The following HIVEP1 variants were observed in gnomAD, a reference collection of about 807,000 sequenced individuals.
HIVEP1 encodes the protein HIVEP zinc finger 1, also known as zinc finger protein 40.
In HIVEP1, 36 loss-of-function variants were observed where a neutral mutation model predicts 180.0. The ratio of observed to expected loss-of-function variants is 0.20; its 90% CI spans 0.15 to 0.26. HIVEP1 has a LOEUF of 0.26. Among genes scored for constraint, HIVEP1 ranks in the 10% least tolerant of loss-of-function variants. The pLI, the probability that HIVEP1 is intolerant of heterozygous loss-of-function variation, is 1.00. For missense variants in HIVEP1, 3,143 were observed against 3,268.7 expected, an observed-to-expected ratio of 0.96 and a Z score of 0.94; for synonymous variants, 1,239 against 1,239.0, an observed-to-expected ratio of 1.00 and a Z score of 0.00.
upstream of HIVEP1, among the ~76,000 whole-genome samples, chr6:12,011,529 T>C (rs1455761132): frequency 6.9e-6 from 1 of 144,098 alleles, no homozygotes; most frequent in Non-Finnish European, 1.5e-5. Flanking sequence ...TCCCCAGGCG[T>C]CGCGACCCAG....
intron 3 of HIVEP1, among the ~76,000 whole-genome samples, chr6:12,103,184 GTAA>G (rs60181903): frequency 0.32 from 46,981 of 147,452 alleles, 8,498 homozygotes; most frequent in Non-Finnish European, 0.41. Flanking sequence ...TGTTGATTAT[GTAA>G]TAATAATAAT....
chr6:12,193,419 A>G, the HIVEP1 span, among the ~76,000 whole-genome samples: 1 of 152,202 alleles, frequency 6.6e-6, no homozygotes, highest in Non-Finnish European at 1.5e-5. Context: ...TTTTAACACT[A>G]CTGACTCATA....
At chr6:12,186,561 A>AAG in the HIVEP1 span, among the ~76,000 whole-genome samples, 3,203 of 149,674 alleles carry the variant, frequency 0.021, 121 homozygotes, top group African/African-American at 0.072. Flanking sequence ...AAAAAAAAAA[A>AAG]GGCGTATACT....
intron 6 of HIVEP1, among the ~76,000 whole-genome samples, chr6:12,134,599 C>T (rs1276825493): frequency 2.0e-5 from 3 of 152,210 alleles, no homozygotes; most frequent in Non-Finnish European, 2.9e-5. Context: ...ACTACTTTGC[C>T]TCTGCCCACT....
At chr6:12,101,655 TG>T (rs1774120190) in intron 3 of HIVEP1, among the ~76,000 whole-genome samples, 1 of 151,830 alleles carries the variant, frequency 6.6e-6, no homozygotes, top group Admixed American at 6.6e-5. Flanking sequence ...ATTCACTTAA[TG>T]TAAAAGAAAA....
Position 12,135,823 on chromosome 6 carries a change from C to G in HIVEP1, c.6418C>G (p.His2140Asp). The part of the protein sequence containing the change: ...NLTKHMKSKA[H>D]SKKCVDLGVS... Reference sequence around the variant, plus strand: ...GACAAAACACATGAAGTCCAAGGCACATAGCAAGAAATGTGTGGATTTAGG... The same window carrying G: ...GACAAAACACATGAAGTCCAAGGCAGATAGCAAGAAATGTGTGGATTTAGG... The change falls in exon 7 of 9, where the codon CAT becomes GAT. Residue 2140 changes from histidine (H) to aspartate (D), a missense_variant. By Grantham distance (81) the His-to-Asp change is moderately conservative. This residue lies in a region of HIVEP1 where 126 missense variants were observed against 168.5 expected (regional missense o/e 0.75). Coordinates refer to ENST00000379388, the MANE Select transcript of HIVEP1 (RefSeq NM_002114.4). 1 of 1,612,242 alleles carries G rather than the reference C, an allele frequency of 6.2e-7. No individual in the cohort carries two copies. The highest frequency in any genetic ancestry group is 1.1e-5 in the South Asian group (1 of 91,020).
the HIVEP1 span, among the ~76,000 whole-genome samples, chr6:12,209,998 G>A: frequency 6.6e-6 from 1 of 152,098 alleles, no homozygotes; most frequent in Admixed American, 6.5e-5. Flanking sequence ...GCGCTTGTAA[G>A]CCCAGCTACT....
Position 12,122,426 on chromosome 6 carries a change from T to A in HIVEP1, c.2631T>A (p.Asp877Glu), listed in dbSNP as rs555394124. ...FDDKIGAFYD[D>E]VFVSGPNAPV... ...ACAAAATTGGCGCTTTCTATGATGA[T>A]GTCTTTGTATCGGGACCTAACGCTC... Residue 877 changes from aspartate (D) to glutamate (E), a missense_variant, in exon 4 of 9, where the codon GAT (aspartate) becomes GAA (glutamate). Transcript: ENST00000379388. 5.6e-6 allele frequency: 9 copies of A among 1,614,216 alleles called. No individual in the cohort carries two copies. The highest frequency in any genetic ancestry group is 1.7e-5 in the Admixed American group (1 of 60,032).
At chr6:12,180,403 G>A in the HIVEP1 span, among the ~76,000 whole-genome samples, 3 of 152,176 alleles carry the variant, frequency 2.0e-5, no homozygotes, top group Non-Finnish European at 4.4e-5. Context: ...TGAGGAGAAA[G>A]AGTTCTTTAT....
chr6:12,198,102 G>C, the HIVEP1 span, among the ~76,000 whole-genome samples: 2 of 152,210 alleles, frequency 1.3e-5, no homozygotes, highest in Non-Finnish European at 2.9e-5. Context: ...GAAGCACACA[G>C]AGGATGCATA....
At chr6:12,176,614 G>GTAAA in the HIVEP1 span, among the ~76,000 whole-genome samples, 1 of 152,112 alleles carries the variant, frequency 6.6e-6, no homozygotes, top group African/African-American at 2.4e-5. Context: ...TCCCCATTTA[G>GTAAA]TAAATGAAGA....
At chr6:12,187,407 C>T in the HIVEP1 span, among the ~76,000 whole-genome samples, 1 of 151,928 alleles carries the variant, frequency 6.6e-6, no homozygotes, top group Non-Finnish European at 1.5e-5. Context: ...TGCACAGGAA[C>T]TGATTGTTAA....
rs749310696 is a variant in HIVEP1 at position 12,120,841 on chromosome 6, A to T, written c.1046A>T (p.Asn349Ile). 1 of 1,614,142 alleles carries T rather than the reference A, an allele frequency of 6.2e-7. No individual in the cohort carries two copies. Among genetic ancestry groups the T allele is most frequent in the Non-Finnish European group, 8.5e-7 (1 of 1,180,016 alleles). ...PSSRSQVTPQ[N>I]QQMDSASPLS... ...AGTAGATCTCAGGTTACTCCTCAAA[A>T]CCAGCAAATGGATTCTGCTTCACCT... Residue 349 changes from asparagine to isoleucine, a missense_variant, in exon 4 of 9, where the codon AAC becomes ATC. By Grantham distance (149) the Asn-to-Ile change is moderately radical. This residue lies in a region of HIVEP1 where 306 missense variants were observed against 310.6 expected (regional missense o/e 0.99). Coordinates refer to ENST00000379388, the MANE Select transcript of HIVEP1 (RefSeq NM_002114.4).
rs554863355 is a variant in HIVEP1 at position 12,163,693 on chromosome 6, T to A, written c.7389T>A (p.Val2463=). Residue 2463 remains valine, a synonymous_variant, in exon 9 of 9, where the codon GTT becomes GTA. Transcript: ENST00000379388. ...NPAGVAELSS[V]VPCIPIGQIR... ...CTGGAGTGGCTGAATTAAGCAGTGTTGTGCCATGTATTCCTATCGGCCAAA... is the reference window on the plus strand; with the variant it reads ...CTGGAGTGGCTGAATTAAGCAGTGTAGTGCCATGTATTCCTATCGGCCAAA... 5 of 1,614,138 alleles carry A rather than the reference T, an allele frequency of 3.1e-6. No individual in the cohort carries two copies. The highest frequency in any genetic ancestry group is 2.7e-5 in the African/African-American group (2 of 75,026).
rs56999346 is a variant in HIVEP1, at chr6:12,053,711, G to A, written c.41-35473G>A. ...CTGCTTAAGCTAGGATATATTTGGA[G>A]AGAAAAGAAAACATTAATTTTCCTT... is the stretch of plus-strand genomic sequence containing the variant. On this transcript the variant is annotated intron_variant, in intron 2 of 8. Transcript: ENST00000379388. Among the ~76,000 whole-genome samples, 8 of 152,224 alleles carry A rather than the reference G, an allele frequency of 5.3e-5. No individual in the cohort carries two copies. The East Asian group carries it at 1.2e-3, about 22-fold the overall frequency.
intron 2 of HIVEP1, among the ~76,000 whole-genome samples, chr6:12,055,291 G>A (rs965795433): frequency 3.3e-5 from 5 of 152,086 alleles, no homozygotes; most frequent in East Asian, 3.9e-4. Context: ...TGGCCAACAC[G>A]GTGAAACTCC....
intron 7 of HIVEP1, among the ~76,000 whole-genome samples, chr6:12,141,690 G>GAAAAAAAAA (rs1759040723): frequency 3.2e-4 from 1 of 3,158 alleles, no homozygotes; most frequent in Admixed American, 5.4e-3. Flanking sequence ...CAAATGGAAA[G>GAAAAAAAAA]CAAAAAAAAA....
intron 3 of HIVEP1, among the ~76,000 whole-genome samples, chr6:12,116,557 A>AG (rs1373641328): frequency 6.6e-6 from 1 of 152,030 alleles, no homozygotes; most frequent in East Asian, 1.9e-4. Context: ...TAAAAAAAAA[A>AG]GTCCTTGAAT....
chr6:12,075,387 C>T (rs1772284161), intron 2 of HIVEP1, among the ~76,000 whole-genome samples: 2 of 152,146 alleles, frequency 1.3e-5, no homozygotes, highest in South Asian at 2.1e-4. Context: ...AGTGGTAGTT[C>T]AGAAATTATT....
Sources: allele counts gnomAD v4.1 joint callset (sites outside exome capture counted in the v4.1 genomes callset), GRCh38; gene constraint gnomAD v4.1.1; regional missense constraint gnomAD v4.1.1; transcripts MANE v1.5; gene names NCBI Gene and HGNC (gene_info 2026-07-23, HGNC 2026-07-21).